NCAM2: variants seen among roughly 807,000 people sequenced by gnomAD.
NCAM2 encodes the protein N-CAM-2.
Under a neutral mutation model 98.1 loss-of-function variants are expected in NCAM2, and 30 were observed. That is an observed-to-expected ratio of 0.31 (90% CI 0.23 to 0.41). NCAM2 has a LOEUF of 0.41. NCAM2 is among the 10% of genes least tolerant of loss of function. The pLI, the probability that NCAM2 is intolerant of heterozygous loss-of-function variation, is 1.00. For missense variants in NCAM2, 867 were observed against 1,005.8 expected (o/e 0.86, Z 1.87); for synonymous variants, 368 against 342.4 (o/e 1.07, Z -0.83).
intron 12 of NCAM2, among the ~76,000 whole-genome samples, chr21:21,434,913 T>C (rs564748086): frequency 2.6e-5 from 4 of 152,280 alleles, no homozygotes; most frequent in African/African-American, 4.8e-5. Context: ...GTTGACCTCA[T>C]TGGGCTGTCG....
intron 1 of NCAM2, among the ~76,000 whole-genome samples, chr21:21,221,152 C>A (rs1488512606): frequency 2.0e-5 from 3 of 152,098 alleles, no homozygotes; most frequent in Non-Finnish European, 4.4e-5. Flanking sequence ...GACGGTGAAT[C>A]CTTCAGTAAA....
intron 16 of NCAM2, among the ~76,000 whole-genome samples, chr21:21,532,697 A>G (rs1458036953): frequency 1.3e-5 from 2 of 152,138 alleles, no homozygotes; most frequent in Admixed American, 1.3e-4. Flanking sequence ...ATTTCCACAA[A>G]TAGTATACTC....
At chr21:21,517,715 TGGCGTGGTGGTGCATGCCTGTAATCCC>T (rs1988789913) in intron 16 of NCAM2, among the ~76,000 whole-genome samples, 1 of 151,862 alleles carries the variant, frequency 6.6e-6, no homozygotes, top group Non-Finnish European at 1.5e-5. Flanking sequence ...AAAATTAGCT[TGGCGTGGTGGTGCATGCCTGTAATCCC>T]AGCTACTCGG....
chr21:21,239,931 G>A (rs569498914), intron 1 of NCAM2, among the ~76,000 whole-genome samples: 1 of 151,882 alleles, frequency 6.6e-6, no homozygotes, highest in African/African-American at 2.4e-5. Flanking sequence ...AGGATACTTG[G>A]CTCAGGAAAA....
chr21:21,099,996 T>C (rs1451863136), intron 1 of NCAM2, among the ~76,000 whole-genome samples: 1 of 151,866 alleles, frequency 6.6e-6, no homozygotes, highest in African/African-American at 2.4e-5. Context: ...TTATTTCTAG[T>C]GTGTCTTTTT....
intron 9 of NCAM2, among the ~76,000 whole-genome samples, chr21:21,387,187 T>C (rs62207393): frequency 0.017 from 2,003 of 121,294 alleles, 28 homozygotes; most frequent in Non-Finnish European, 0.022. Flanking sequence ...CACACACACA[T>C]ACACACACAC....
At chr21:21,440,540 G>A (rs567795751) in intron 12 of NCAM2, among the ~76,000 whole-genome samples, 1 of 151,972 alleles carries the variant, frequency 6.6e-6, no homozygotes, top group African/African-American at 2.4e-5. Flanking sequence ...AATTAGCTGG[G>A]TGTGGTGGCA....
At chr21:21,095,582 A>G (rs564411608) in intron 1 of NCAM2, among the ~76,000 whole-genome samples, 97 of 151,760 alleles carry the variant, frequency 6.4e-4, no homozygotes, top group African/African-American at 2.1e-3. Flanking sequence ...AAGTGAGGCT[A>G]AATAAGTTCT....
intron 16 of NCAM2, among the ~76,000 whole-genome samples, chr21:21,509,864 G>T (rs1213927134): frequency 3.3e-5 from 5 of 152,150 alleles, no homozygotes; most frequent in Non-Finnish European, 4.4e-5. Flanking sequence ...ACGTTTGTGT[G>T]TTATGTGTGG....
At chr21:21,236,098 T>C in intron 1 of NCAM2, among the ~76,000 whole-genome samples, 1 of 151,960 alleles carries the variant, frequency 6.6e-6, no homozygotes, top group Admixed American at 6.6e-5. Flanking sequence ...TGGCCTTGTT[T>C]AGTGCTTGTC....
intron 5 of NCAM2, among the ~76,000 whole-genome samples, chr21:21,294,242 A>G (rs1454096303): frequency 1.3e-5 from 2 of 151,788 alleles, no homozygotes; most frequent in Non-Finnish European, 2.9e-5. Context: ...TTTTAAAGAA[A>G]TGATTATTCA....
At chr21:21,391,902 T>G (rs576315620) in intron 9 of NCAM2, among the ~76,000 whole-genome samples, 1 of 152,112 alleles carries the variant, frequency 6.6e-6, no homozygotes, top group Admixed American at 6.6e-5. Flanking sequence ...TAAGAGCAAT[T>G]ATCAATGAGT....
At chr21:21,118,704 T>C (rs1002962075) in intron 1 of NCAM2, among the ~76,000 whole-genome samples, 2 of 152,170 alleles carry the variant, frequency 1.3e-5, no homozygotes, top group Non-Finnish European at 2.9e-5. Flanking sequence ...TCTGTCCTAT[T>C]GCTATCCTTT....
chr21:21,025,068 A>T, intron 1 of NCAM2, among the ~76,000 whole-genome samples: 1 of 152,010 alleles, frequency 6.6e-6, no homozygotes, highest in East Asian at 1.9e-4. Context: ...AAGGAAAAGG[A>T]TTTAAAAATT....
chr21:21,059,468 C>A (rs775627863), intron 1 of NCAM2, among the ~76,000 whole-genome samples: 1 of 151,890 alleles, frequency 6.6e-6, no homozygotes, highest in Non-Finnish European at 1.5e-5. Flanking sequence ...TTGTATATGC[C>A]AAGACTGTTT....
rs530632939 is a variant in NCAM2, at chr21:21,187,854, G to A, written c.56-92724G>A. On this transcript the variant is annotated intron_variant, in intron 1 of 17. Transcript: ENST00000400546. The stretch of plus-strand genomic sequence containing the variant: ...AGAAATCTATAGGGGAAATTATGTC[G>A]TCAGGGTCAGCTAAATAGTGTGTCT... Among the ~76,000 whole-genome samples, 10 of 152,236 alleles carry A rather than the reference G, an allele frequency of 6.6e-5. No homozygotes were observed. In the East Asian group the frequency reaches 9.7e-4, roughly 15 times the overall value.
At chr21:21,153,901 C>T (rs2067526638) in intron 1 of NCAM2, among the ~76,000 whole-genome samples, 1 of 151,550 alleles carries the variant, frequency 6.6e-6, no homozygotes, top group African/African-American at 2.4e-5. Flanking sequence ...GTATGACAGC[C>T]AAATAAAGTG....
intron 1 of NCAM2, among the ~76,000 whole-genome samples, chr21:21,060,444 G>A (rs1426374354): frequency 6.6e-6 from 1 of 152,050 alleles, no homozygotes; most frequent in Non-Finnish European, 1.5e-5. Flanking sequence ...TTTATCCAAA[G>A]TCTGTGGATA....
chr21:21,252,293 G>A (rs1254766975), intron 1 of NCAM2, among the ~76,000 whole-genome samples: 2 of 124,254 alleles, frequency 1.6e-5, no homozygotes, highest in African/African-American at 6.0e-5. Flanking sequence ...TAACAAATGT[G>A]TATCCCTGAA....
Sources: allele counts gnomAD v4.1 joint callset (sites outside exome capture counted in the v4.1 genomes callset), GRCh38; gene constraint gnomAD v4.1.1; transcripts MANE v1.5; gene names NCBI Gene and HGNC (gene_info 2026-07-23, HGNC 2026-07-21).